Variants in TEC observed in about 807,000 individuals in gnomAD.
The protein encoded by TEC is tyrosine-protein kinase Tec.
TEC carries 72 observed loss-of-function variants against 93.0 expected under a neutral mutation model. That is an observed-to-expected ratio of 0.77 (90% confidence interval 0.64 to 0.94). TEC has a LOEUF of 0.94. Ranked by LOEUF, TEC falls within the 40% of genes least tolerant of loss-of-function variation. TEC has a pLI of 0.00. For synonymous variants in TEC, 249 were observed against 247.7 expected, an observed-to-expected ratio of 1.01 and a Z score of -0.05; for missense variants, 630 against 757.9, an observed-to-expected ratio of 0.83 and a Z score of 1.98.
chr4:48,161,696 G>A (rs764524804), intron 8 of TEC, among the ~76,000 whole-genome samples: 3 of 150,290 alleles, frequency 2.0e-5, no homozygotes, highest in South Asian at 4.2e-4. Flanking sequence ...GCAAAGTATC[G>A]CTCCTGGGTG....
chr4:48,168,363 G>C (rs2109543118), intron 6 of TEC, among the ~76,000 whole-genome samples: 1 of 152,188 alleles, frequency 6.6e-6, no homozygotes, highest in African/African-American at 2.4e-5. Flanking sequence ...GATGATAACA[G>C]GATCTCCAAT....
chr4:48,145,759 G>A (rs1719882132), intron 12 of TEC, among the ~76,000 whole-genome samples, 180 bp from the exon 13 acceptor site: 2 of 152,174 alleles, frequency 1.3e-5, no homozygotes, highest in South Asian at 4.1e-4. Context: ...AAGGTGGGAA[G>A]GATGAATCCC....
chr4:48,191,986 A>G (rs1722109021), intron 2 of TEC, among the ~76,000 whole-genome samples: 1 of 152,198 alleles, frequency 6.6e-6, no homozygotes, highest in Admixed American at 6.5e-5. Context: ...TTTGCTCAGT[A>G]TATACTACAT....
intron 14 of TEC, among the ~76,000 whole-genome samples, chr4:48,143,756 G>A (rs1400597542): frequency 6.6e-6 from 1 of 152,086 alleles, no homozygotes; most frequent in Non-Finnish European, 1.5e-5. Context: ...TCAAATCCTG[G>A]CTCTACAATT....
At chr4:48,201,195 G>A (rs1389589248) in intron 2 of TEC, among the ~76,000 whole-genome samples, 1 of 152,142 alleles carries the variant, frequency 6.6e-6, no homozygotes, top group Non-Finnish European at 1.5e-5. Context: ...AGTTGAGACA[G>A]ACTCTCAGGT....
chr4:48,201,029 A>T (rs1722487294), intron 2 of TEC, among the ~76,000 whole-genome samples: 1 of 152,238 alleles, frequency 6.6e-6, no homozygotes, highest in African/African-American at 2.4e-5. Flanking sequence ...TAACTGATAC[A>T]GAGGCTGCTG....
chr4:48,170,325 G>C lies in TEC; in HGVS notation c.377C>G (p.Thr126Arg). The change falls in exon 5 of 18, where the codon ACA (threonine) becomes AGA (arginine). Residue 126 changes from threonine to arginine, a missense_variant. Physicochemically the swap from Thr to Arg is moderately conservative, Grantham distance 71. This residue lies in a region of TEC where 335 missense variants were observed against 351.5 expected (regional missense o/e 0.95). Coordinates refer to ENST00000381501, the MANE Select transcript of TEC (RefSeq NM_003215.3). ...IMIKYHPKFW[T>R]DGSYQCCRQT... Reference sequence around the variant, plus strand: ...TCTACAACACTGATAACTTCCATCTGTCCAGAATTTAGGATGATATTTAAT... The same window carrying C: ...TCTACAACACTGATAACTTCCATCTCTCCAGAATTTAGGATGATATTTAAT... The C allele has an allele frequency of 1.3e-6, 2 of 1,516,442 alleles. No homozygotes were observed. Among genetic ancestry groups the C allele is most frequent in the Non-Finnish European group, 1.8e-6 (2 of 1,094,016 alleles). The allele number at this position is 1,516,442 out of a possible 1,614,324, so 93.9% of individuals were successfully genotyped here.
chr4:48,215,983 C>T (rs1366268984), intron 2 of TEC, among the ~76,000 whole-genome samples: 4 of 152,156 alleles, frequency 2.6e-5, no homozygotes, highest in Non-Finnish European at 5.9e-5. Flanking sequence ...TCTTTAAAGT[C>T]TCTTTAAGCT....
Position 48,149,837 on chromosome 4 carries a change from A to C in TEC, c.873-147T>G, listed in dbSNP as rs1277089508. On this transcript the variant is annotated intron_variant, in intron 10 of 17. Transcript: ENST00000381501. ...ATTTTACTTTCCCCTTGTTCTTCTT[A>C]GCTTTGTCTTTCATATTAGCATGTC... 9 of 700,646 alleles carry C rather than the reference A, an allele frequency of 1.3e-5. No homozygotes were observed. In the Admixed American group the frequency reaches 2.0e-4, roughly 16 times the overall value. The allele number at this position is 700,646 out of a possible 1,614,324, so 43.4% of individuals were successfully genotyped here.
rs763195716 is a variant in TEC at position 48,137,368 on chromosome 4, C to G, written c.*48G>C. ...AATAAATTAAAAGCCACAAAATGCC[C>G]ATCCTTCCTTGTGCTTGGGAATCTG... On this transcript the variant is annotated 3_prime_UTR_variant, in exon 18 of 18. Transcript: ENST00000381501. The G allele has an allele frequency of 6.8e-7, 1 of 1,480,750 alleles. No homozygotes were observed. The highest frequency in any genetic ancestry group is 1.2e-5 in the South Asian group (1 of 86,276). The allele number at this position is 1,480,750 out of a possible 1,614,324, so 91.7% of individuals were successfully genotyped here.
At chr4:48,222,506 G>T (rs1177905986) in intron 2 of TEC, among the ~76,000 whole-genome samples, 1 of 151,662 alleles carries the variant, frequency 6.6e-6, no homozygotes, top group Non-Finnish European at 1.5e-5. Context: ...TGGGCCATGG[G>T]GTACCCAGAT....
intron 1 of TEC, among the ~76,000 whole-genome samples, chr4:48,251,666 T>C (rs1381237591): frequency 6.6e-6 from 1 of 152,194 alleles, no homozygotes; most frequent in East Asian, 1.9e-4. Flanking sequence ...CATGATTGTA[T>C]TTACTTAGGA....
intron 2 of TEC, among the ~76,000 whole-genome samples, chr4:48,193,350 T>A (rs1449235269): frequency 6.6e-6 from 1 of 152,110 alleles, no homozygotes; most frequent in East Asian, 1.9e-4. Context: ...TTTCTTCTGC[T>A]GCAGTTCTCT....
chr4:48,153,936 T>A (rs575665532), intron 9 of TEC, among the ~76,000 whole-genome samples: 49 of 152,298 alleles, frequency 3.2e-4, no homozygotes, highest in African/African-American at 9.6e-4. Context: ...CTTGTGGTGG[T>A]CAGTGGAAAG....
chr4:48,249,744 G>A (rs1724153434), intron 1 of TEC, among the ~76,000 whole-genome samples: 1 of 152,230 alleles, frequency 6.6e-6, no homozygotes, highest in South Asian at 2.1e-4. Context: ...GAATTACTAA[G>A]ACCCTGGCAG....
intron 1 of TEC, among the ~76,000 whole-genome samples, chr4:48,264,999 T>A (rs1235086540): frequency 6.9e-6 from 1 of 144,290 alleles, no homozygotes; most frequent in Non-Finnish European, 1.5e-5. Context: ...AGGGCATTAG[T>A]TACACAAGGA....
At chr4:48,231,210 G>C (rs2664020) in intron 1 of TEC, among the ~76,000 whole-genome samples, 64,792 of 151,894 alleles carry the variant, frequency 0.43, 15,280 homozygotes, top group African/African-American at 0.63. Context: ...CTTTATCCCA[G>C]TCCCAGTGTC....
intron 8 of TEC, among the ~76,000 whole-genome samples, chr4:48,162,879 T>C (rs1206985700): frequency 1.3e-5 from 2 of 152,202 alleles, no homozygotes; most frequent in Admixed American, 6.5e-5. Flanking sequence ...ACACTGCTAG[T>C]GGGTATATAA....
At position 48,141,436 on chromosome 4, in the gene TEC, T is replaced by C. The variant is rs1260650655; in HGVS notation, c.1471-17A>G. The C allele has an allele frequency of 6.2e-7, 1 of 1,611,224 alleles. No homozygotes were observed. The highest frequency in any genetic ancestry group is 1.1e-5 in the South Asian group (1 of 90,990). ...TCTGGCAGCCTGGAAAACAACATTA[T>C]GATGGTATATTAGTTTAAAAATTCT... On this transcript the variant is annotated splice_polypyrimidine_tract_variant and intron_variant, in intron 14 of 17. Transcript: ENST00000381501.
Sources: allele counts gnomAD v4.1 joint callset (sites outside exome capture counted in the v4.1 genomes callset), GRCh38; gene constraint gnomAD v4.1.1; regional missense constraint gnomAD v4.1.1; transcripts MANE v1.5; gene names NCBI Gene and HGNC (gene_info 2026-07-23, HGNC 2026-07-21).